The following CACNB4 variants were observed in gnomAD, a reference collection of about 807,000 sequenced individuals.
CACNB4 encodes the protein calcium voltage-gated channel auxiliary subunit beta 4, also known as voltage-dependent L-type calcium channel subunit beta-4.
In CACNB4, 32 loss-of-function variants were observed where a neutral mutation model predicts 71.2. That is an observed-to-expected ratio of 0.45 (90% confidence interval 0.34 to 0.60). The LOEUF is 0.60. CACNB4 is among the 20% of genes least tolerant of loss of function. The pLI is 0.01. For synonymous variants in CACNB4, 231 were observed against 236.9 expected, an observed-to-expected ratio of 0.97 and a Z score of 0.23; for missense variants, 464 against 647.9, an observed-to-expected ratio of 0.72 and a Z score of 3.08.
chr2:151,860,705 T>C lies in CACNB4; in HGVS notation c.868+6A>G. The C allele has an allele frequency of 6.3e-7, 1 of 1,592,316 alleles. No homozygotes were observed. Among genetic ancestry groups the C allele is most frequent in the Non-Finnish European group, 8.6e-7 (1 of 1,160,140 alleles). ...CTTGAAGAAGTACCACATTTGAACA[T>C]CTTACCTAAGCTGGACCGGGTGTTC... On this transcript the variant is annotated splice_donor_region_variant and intron_variant, in intron 10 of 13. Coordinates refer to ENST00000539935, the MANE Select transcript of CACNB4 (RefSeq NM_000726.5).
At chr2:152,087,076 G>A (rs1318077065) in intron 2 of CACNB4, among the ~76,000 whole-genome samples, 1 of 151,642 alleles carries the variant, frequency 6.6e-6, no homozygotes, top group Non-Finnish European at 1.5e-5. Flanking sequence ...AGGTTGCGGT[G>A]AGCCAAGATT....
intron 2 of CACNB4, among the ~76,000 whole-genome samples, chr2:152,060,043 C>T (rs1685926434): frequency 1.3e-5 from 2 of 152,208 alleles, no homozygotes; most frequent in Admixed American, 6.5e-5. Context: ...TTGTAAGTTT[C>T]CTGAGGCCTC....
chr2:152,011,399 C>T (rs1181325727), intron 2 of CACNB4, among the ~76,000 whole-genome samples: 1 of 152,184 alleles, frequency 6.6e-6, no homozygotes, highest in Non-Finnish European at 1.5e-5. Flanking sequence ...GGGTCTTGAA[C>T]ATTCCCAGGC....
intron 2 of CACNB4, among the ~76,000 whole-genome samples, chr2:152,046,247 T>C (rs1196303719): frequency 6.6e-6 from 1 of 152,182 alleles, no homozygotes; most frequent in Non-Finnish European, 1.5e-5. Context: ...GTAGCACCCC[T>C]TTTCTATATG....
chr2:151,974,033 G>GC, intron 2 of CACNB4: 1 of 1,073,346 alleles, frequency 9.3e-7, no homozygotes, highest in Non-Finnish European at 1.1e-6. Context: ...GTCAGCTGAA[G>GC]AGCGTTCCCT....
rs1229988453 is a variant in CACNB4, at chr2:151,870,495, G to A, written c.699+36C>T. ...CAACATGACTGTCTCCTGGGTGCTC[G>A]ATCAAGAACTGAAGAGTAACAGATG... is the stretch of plus-strand genomic sequence containing the variant. On this transcript the variant is annotated intron_variant, in intron 8 of 13. Coordinates refer to ENST00000539935, the MANE Select transcript of CACNB4 (RefSeq NM_000726.5). The A allele has an allele frequency of 1.5e-5, 23 of 1,549,504 alleles. No individual in the cohort carries two copies. The Admixed American group carries it at 3.6e-4, about 24-fold the overall frequency.
chr2:151,968,670 G>A (rs576207238), intron 2 of CACNB4: 3 of 152,208 alleles, frequency 2.0e-5, no homozygotes, highest in East Asian at 1.9e-4. Context: ...GATTTTTCAC[G>A]GTTATTGCTG....
At chr2:152,014,386 G>T (rs1438104268) in intron 2 of CACNB4, among the ~76,000 whole-genome samples, 1 of 151,462 alleles carries the variant, frequency 6.6e-6, no homozygotes, top group East Asian at 2.0e-4. Context: ...TCCAGTACAG[G>T]CCTCTTTCTA....
At chr2:152,055,945 C>T (rs548157381) in intron 2 of CACNB4, among the ~76,000 whole-genome samples, 1 of 152,286 alleles carries the variant, frequency 6.6e-6, no homozygotes, top group Admixed American at 6.5e-5. Flanking sequence ...TCATCACCTC[C>T]TCACATGGTT....
chr2:151,903,607 G>A (rs2099854022), intron 2 of CACNB4, among the ~76,000 whole-genome samples: 1 of 152,158 alleles, frequency 6.6e-6, no homozygotes, highest in Non-Finnish European at 1.5e-5. Context: ...TCAATCTCCA[G>A]GCCCATCTTT....
intron 2 of CACNB4, among the ~76,000 whole-genome samples, chr2:151,961,503 T>C (rs2099869634): frequency 6.6e-6 from 1 of 152,214 alleles, no homozygotes; most frequent in African/African-American, 2.4e-5. Flanking sequence ...AGTGAAACTA[T>C]TCCCACATAT....
chr2:152,017,713 CA>C (rs564691685), intron 2 of CACNB4, among the ~76,000 whole-genome samples: 47 of 144,830 alleles, frequency 3.2e-4, no homozygotes, highest in East Asian at 4.2e-4. Context: ...GTCTCAACAA[CA>C]AAAAAAAAAA....
chr2:151,972,069 CA>C (rs56104858), intron 2 of CACNB4: 5,420 of 110,522 alleles, frequency 0.049, 92 homozygotes, highest in African/African-American at 0.07. Flanking sequence ...GACCCAAAGG[CA>C]AAAAAAAAAA....
chr2:151,850,072 T>G (rs55659457), intron 12 of CACNB4: 6,997 of 152,104 alleles, frequency 0.046, 200 homozygotes, highest in Non-Finnish European at 0.076. Flanking sequence ...CCGATCTCTC[T>G]CCTAGAAAAA....
At chr2:151,923,253 G>T (rs1484605130) in intron 2 of CACNB4, among the ~76,000 whole-genome samples, 1 of 152,196 alleles carries the variant, frequency 6.6e-6, no homozygotes, top group African/African-American at 2.4e-5. Flanking sequence ...CTGAAACTGG[G>T]TCCAACACCT....
At chr2:151,981,128 A>C (rs191595408) in intron 2 of CACNB4, among the ~76,000 whole-genome samples, 1 of 152,072 alleles carries the variant, frequency 6.6e-6, no homozygotes, top group Non-Finnish European at 1.5e-5. Flanking sequence ...ATAACACTCT[A>C]TCTCCCACAC....
intron 2 of CACNB4, among the ~76,000 whole-genome samples, chr2:151,994,190 G>A (rs932300397): frequency 1.3e-5 from 2 of 151,718 alleles, no homozygotes; most frequent in South Asian, 2.1e-4. Flanking sequence ...AAACACCACC[G>A]AGGATTAAAT....
intron 2 of CACNB4, among the ~76,000 whole-genome samples, chr2:151,994,778 T>A (rs1579091535): frequency 6.6e-6 from 1 of 152,166 alleles, no homozygotes; most frequent in Non-Finnish European, 1.5e-5. Flanking sequence ...CTGATTTCTA[T>A]TAGCCTTGCA....
At chr2:152,088,751 T>G (rs1433044256) in intron 2 of CACNB4, among the ~76,000 whole-genome samples, 1 of 152,230 alleles carries the variant, frequency 6.6e-6, no homozygotes, top group East Asian at 1.9e-4. Flanking sequence ...TCCCTTCAGA[T>G]TCAAGTAATT....
Sources: gnomAD v4.1 joint callset for allele counts (sites outside exome capture counted in the v4.1 genomes callset) on GRCh38, gnomAD v4.1.1 for gene constraint, MANE v1.5 for transcripts, NCBI Gene and HGNC (gene_info 2026-07-23, HGNC 2026-07-21) for gene names.